The following CEP85L variants were observed in gnomAD, a reference collection of about 807,000 sequenced individuals.
CEP85L encodes centrosomal protein of 85 kDa-like.
In CEP85L, 60 loss-of-function variants were observed where a neutral mutation model predicts 100.3. That is an observed-to-expected ratio of 0.60 (90% CI 0.49 to 0.74). The LOEUF (loss-of-function observed/expected upper bound fraction) is 0.74, where lower values mean the gene tolerates loss of function less well. Among genes scored for constraint, CEP85L ranks in the 30% least tolerant of loss-of-function variants. CEP85L has a pLI of 0.00. For missense variants in CEP85L, 973 were observed against 936.2 expected (o/e 1.04, Z -0.51); for synonymous variants, 319 against 322.7 (o/e 0.99, Z 0.12).
At chr6:118,577,289 G>T (rs1044849515) in intron 2 of CEP85L, among the ~76,000 whole-genome samples, 4 of 152,114 alleles carry the variant, frequency 2.6e-5, no homozygotes, top group Non-Finnish European at 5.9e-5. Flanking sequence ...GACCACTATT[G>T]GATACTCTGC....
chr6:118,549,418 C>T (rs898342544), intron 3 of CEP85L, among the ~76,000 whole-genome samples: 2 of 151,706 alleles, frequency 1.3e-5, no homozygotes, highest in African/African-American at 4.8e-5. Flanking sequence ...ATTCTTAGAT[C>T]TCTGTCAGGG....
chr6:118,672,984 A>C (rs563256828), intron 1 of CEP85L, among the ~76,000 whole-genome samples: 1 of 152,298 alleles, frequency 6.6e-6, no homozygotes, highest in African/African-American at 2.4e-5. Context: ...ATTGAGGTTC[A>C]CTGCAAGAAT....
At chr6:118,617,063 T>C (rs1773106352) in intron 2 of CEP85L, among the ~76,000 whole-genome samples, 1 of 151,950 alleles carries the variant, frequency 6.6e-6, no homozygotes, top group Non-Finnish European at 1.5e-5. Context: ...ATTTTAAAAA[T>C]AGTAAAACCT....
chr6:118,617,014 G>A (rs539465538), intron 2 of CEP85L, among the ~76,000 whole-genome samples: 115 of 150,944 alleles, frequency 7.6e-4, no homozygotes, highest in African/African-American at 2.7e-3. Context: ...CCTGGGCAAT[G>A]TAGCAAGCTC....
At chr6:118,475,766 A>G (rs561245363) in intron 10 of CEP85L, among the ~76,000 whole-genome samples, 4 of 152,256 alleles carry the variant, frequency 2.6e-5, no homozygotes, top group African/African-American at 9.6e-5. Flanking sequence ...AATGTGTTTG[A>G]TGACACCTAA....
chr6:118,497,653 T>C (rs936309428), intron 5 of CEP85L, among the ~76,000 whole-genome samples: 2 of 152,166 alleles, frequency 1.3e-5, no homozygotes, highest in African/African-American at 2.4e-5. Context: ...TCTGAAGTTA[T>C]CCTTCAAGAG....
intron 5 of CEP85L, among the ~76,000 whole-genome samples, chr6:118,497,476 T>G (rs1774996201): frequency 6.6e-6 from 1 of 152,164 alleles, no homozygotes; most frequent in African/African-American, 2.4e-5. Context: ...AGTTGTACAA[T>G]TATTTCATTA....
intron 10 of CEP85L, among the ~76,000 whole-genome samples, chr6:118,471,096 G>A (rs1317243190): frequency 2.0e-5 from 3 of 151,960 alleles, no homozygotes; most frequent in Non-Finnish European, 4.4e-5. Flanking sequence ...TCTATCATTT[G>A]AAACATAGCT....
At chr6:118,491,957 C>T in intron 5 of CEP85L, 92 bp from the exon 6 acceptor site, 7 of 865,526 alleles carry the variant, frequency 8.1e-6, no homozygotes, top group South Asian at 3.9e-5. Context: ...ATAAGGAGTA[C>T]ATATAGGCTA....
intron 1 of CEP85L, among the ~76,000 whole-genome samples, chr6:118,683,687 T>G (rs1207275629): frequency 2.0e-5 from 3 of 152,194 alleles, no homozygotes; most frequent in East Asian, 3.8e-4. Flanking sequence ...ATGTAATATG[T>G]CTACTACAGC....
chr6:118,613,822 A>G (rs1772828311), intron 2 of CEP85L, among the ~76,000 whole-genome samples: 1 of 151,890 alleles, frequency 6.6e-6, no homozygotes, highest in Admixed American at 6.6e-5. Flanking sequence ...TGTATAAAAA[A>G]GAATCAGCAC....
Position 118,466,013 on chromosome 6 carries a change from TCA to T in CEP85L, c.2255-447_2255-446del, listed in dbSNP as rs148037771. On this transcript the variant is annotated intron_variant, in intron 12 of 12. Coordinates refer to ENST00000368491, the MANE Select transcript of CEP85L (RefSeq NM_001042475.3). ...TTAATTTTCAAATACATAGTAAGTG[TCA>T]CACACACACACAGAGGGAGAGCGGG... Among the ~76,000 whole-genome samples the T allele has an allele frequency of 2.5e-3, 386 of 151,428 alleles. 1 individual carries two copies. Among genetic ancestry groups the T allele is most frequent in the African/African-American group, 9.0e-3 (374 of 41,354 alleles).
At chr6:118,502,994 C>A in intron 5 of CEP85L, 1 of 251,236 alleles carries the variant, frequency 4.0e-6, no homozygotes. Flanking sequence ...CTTAAAAACG[C>A]TTTCACAAGA....
At chr6:118,652,526 T>TCGGAA, upstream of CEP85L, 1 of 1,391,936 alleles carries the variant, frequency 7.2e-7, no homozygotes, top group Non-Finnish European at 9.3e-7. Context: ...CAGAGGTAAG[T>TCGGAA]CGGAACGCAG....
intron 2 of CEP85L, among the ~76,000 whole-genome samples, chr6:118,566,644 C>A (rs1302737076): frequency 6.6e-6 from 1 of 152,168 alleles, no homozygotes; most frequent in Non-Finnish European, 1.5e-5. Flanking sequence ...GTCTCGAACT[C>A]CTGACTTAAG....
At chr6:118,477,643 T>C (rs1168946524) in intron 10 of CEP85L, among the ~76,000 whole-genome samples, 1 of 152,086 alleles carries the variant, frequency 6.6e-6, no homozygotes, top group Non-Finnish European at 1.5e-5. Context: ...ACAAGTGAAC[T>C]TCAAACAAAT....
rs1780374895 is a variant in CEP85L, at chr6:118,578,498, G to A, written c.233-12182C>T. Among the ~76,000 whole-genome samples, 4 of 152,284 alleles carry A rather than the reference G, an allele frequency of 2.6e-5. No homozygotes were observed. The South Asian group carries it at 8.3e-4, about 32-fold the overall frequency. On this transcript the variant is annotated intron_variant, in intron 2 of 12. Coordinates refer to ENST00000368491, the MANE Select transcript of CEP85L (RefSeq NM_001042475.3). ...TGTAATCCCAGCACTTTGGGAGGCTGAGGCGGGCGGATCACGAGGTCAGGA... is the reference window on the plus strand; with the variant it reads ...TGTAATCCCAGCACTTTGGGAGGCTAAGGCGGGCGGATCACGAGGTCAGGA...
chr6:118,494,587 A>G (rs1389184345), intron 5 of CEP85L, among the ~76,000 whole-genome samples: 1 of 152,134 alleles, frequency 6.6e-6, no homozygotes, highest in African/African-American at 2.4e-5. Context: ...TGTCCCGCCT[A>G]AGGGTGGGGA....
chr6:118,572,879 T>C (rs1666035185), intron 2 of CEP85L, among the ~76,000 whole-genome samples: 2 of 152,186 alleles, frequency 1.3e-5, no homozygotes, highest in South Asian at 4.2e-4. Context: ...CTGGCTAACA[T>C]GGTAAAACCC....
Sources: allele counts gnomAD v4.1 joint callset (sites outside exome capture counted in the v4.1 genomes callset), GRCh38; gene constraint gnomAD v4.1.1; transcripts MANE v1.5; gene names NCBI Gene and HGNC (gene_info 2026-07-23, HGNC 2026-07-21).